CNTLN: variants seen among roughly 807,000 people sequenced by gnomAD.
CNTLN encodes centlein.
In CNTLN, 212 loss-of-function variants were observed where a neutral mutation model predicts 180.0. The observed-to-expected ratio is 1.18, with a 90% CI of 1.05 to 1.32. The LOEUF is 1.32. Among genes scored for constraint, CNTLN ranks in the 40% most tolerant of loss-of-function variants. CNTLN has a pLI of 0.00. For missense variants in CNTLN, 2,095 were observed against 1,610.9 expected (o/e 1.30, Z -5.14); for synonymous variants, 722 against 563.1 (o/e 1.28, Z -3.99).
In CNTLN at chr9:17,273,810, G is replaced by T. The variant is rs756406297; in HGVS notation, c.927G>T (p.Gln309His). Residue 309 changes from glutamine to histidine, a missense_variant, in exon 6 of 26, where the codon CAG (glutamine) becomes CAT (histidine). Gln to His is a conservative substitution (Grantham distance 24). Transcript: ENST00000380647. ...SQSKYNALSL[Q>H]LSNKQTELIQ... ...GTAAATACAATGCTCTATCATTACA[G>T]TTGAGTAATAAACAGACTGAACTTA... 7.0e-6 allele frequency: 11 copies of T among 1,575,380 alleles called. No homozygotes were observed. In the East Asian group the frequency reaches 2.6e-4, roughly 37 times the overall value.
chr9:17,365,254 C>T (rs925022619), intron 12 of CNTLN, among the ~76,000 whole-genome samples: 2 of 152,154 alleles, frequency 1.3e-5, no homozygotes, highest in African/African-American at 4.8e-5. Context: ...TAGCACCTCC[C>T]TCTGTGCTCT....
intron 8 of CNTLN, among the ~76,000 whole-genome samples, chr9:17,315,987 C>T (rs1819517203): frequency 1.3e-5 from 2 of 151,668 alleles, no homozygotes; most frequent in Non-Finnish European, 2.9e-5. Context: ...GTCTGATTGG[C>T]TTGTAATGTT....
At chr9:17,172,857 C>G (rs1007187663) in intron 2 of CNTLN, among the ~76,000 whole-genome samples, 1 of 152,082 alleles carries the variant, frequency 6.6e-6, no homozygotes, top group African/African-American at 2.4e-5. Context: ...ACATCAAGGC[C>G]TCCAACATGA....
chr9:17,342,475 G>A, intron 12 of CNTLN, 31 bp downstream of exon 12: 1 of 1,561,580 alleles, frequency 6.4e-7, no homozygotes, highest in East Asian at 2.3e-5. Flanking sequence ...TATGGACTTA[G>A]ATAAAATACT....
Position 17,299,241 on chromosome 9 carries a change from CAAAAAAAAAAA to C in CNTLN, c.1146+905_1146+915del, listed in dbSNP as rs368954391. 3.5e-3 allele frequency: 317 copies of C among 91,724 alleles called. 3 individuals are homozygous for C. The highest frequency in any genetic ancestry group is 0.015 in the Middle Eastern group (2 of 136). 5.7% of individuals were successfully genotyped at this position (91,724 alleles called of 1,614,324 possible). A position where few individuals can be genotyped will look rare whatever the true frequency, so the allele number is the denominator to read the frequency against. ...CAGGCGACAGGGGGAGACAACGTCT[CAAAAAAAAAAA>C]AAAAAAAAAAAAAAACCTTTACTGA... is the stretch of plus-strand genomic sequence containing the variant. On this transcript the variant is annotated intron_variant, in intron 7 of 25. Transcript: ENST00000380647.
rs575567172 is a variant in CNTLN at position 17,169,888 on chromosome 9, T to C, written c.449+26512T>C. Among the ~76,000 whole-genome samples, 17 of 152,332 alleles carry C rather than the reference T, an allele frequency of 1.1e-4. No homozygotes were observed. In the South Asian group the frequency reaches 2.3e-3, roughly 20 times the overall value. On this transcript the variant is annotated intron_variant, in intron 2 of 25. Coordinates refer to ENST00000380647, the MANE Select transcript of CNTLN (RefSeq NM_017738.4). ...ATTGCTTTAGCTAGTCATGATCTTT[T>C]GCAGTTCCATATGAATTTTATGACT...
the CNTLN span, among the ~76,000 whole-genome samples, chr9:17,509,029 G>A: frequency 3.3e-5 from 5 of 151,302 alleles, no homozygotes; most frequent in African/African-American, 1.2e-4. Context: ...TGATAGGATA[G>A]GATAACCTGC....
intron 23 of CNTLN, among the ~76,000 whole-genome samples, chr9:17,469,220 T>G (rs554566824): frequency 6.6e-6 from 1 of 151,842 alleles, no homozygotes; most frequent in Non-Finnish European, 1.5e-5. Flanking sequence ...TTACATTGTT[T>G]TTAAGAATTG....
At position 17,309,219 on chromosome 9, in the gene CNTLN, A is replaced by C; in HGVS notation, c.1308A>C (p.Leu436Phe). The change falls in exon 8 of 26, where the codon TTA (leucine) becomes TTC (phenylalanine). Residue 436 changes from leucine (L) to phenylalanine (F), a missense_variant. Transcript: ENST00000380647. Reference protein sequence around the residue: ...LQESQGAPLPLPQESDPDYSA... With the variant: ...LQESQGAPLPFPQESDPDYSA... ...AATCACAGGGAGCACCTCTTCCTTTACCTCAAGAAAGTGATCCAGACTACT... is the reference window on the plus strand; with the variant it reads ...AATCACAGGGAGCACCTCTTCCTTTCCCTCAAGAAAGTGATCCAGACTACT... 6.2e-7 allele frequency: 1 copy of C among 1,601,584 alleles called. No individual in the cohort carries two copies. The highest frequency in any genetic ancestry group is 1.1e-5 in the South Asian group (1 of 88,936).
intron 5 of CNTLN, among the ~76,000 whole-genome samples, chr9:17,260,036 C>T (rs373649243): frequency 7.0e-6 from 1 of 143,226 alleles, no homozygotes; most frequent in South Asian, 2.3e-4. Flanking sequence ...TGTGTTTGGT[C>T]TTGCTTTTCT....
At chr9:17,206,537 T>C (rs761830647) in intron 2 of CNTLN, among the ~76,000 whole-genome samples, 38 of 152,222 alleles carry the variant, frequency 2.5e-4, no homozygotes, top group Non-Finnish European at 4.6e-4. Flanking sequence ...GTGGTTTTTA[T>C]TAATTGTGCT....
intron 15 of CNTLN, among the ~76,000 whole-genome samples, chr9:17,406,511 G>T (rs1827403795): frequency 6.6e-6 from 1 of 151,612 alleles, no homozygotes; most frequent in African/African-American, 2.4e-5. Context: ...TCTAAGTTTT[G>T]CTTCAGTATT....
At chr9:17,355,454 T>G (rs963210137) in intron 12 of CNTLN, among the ~76,000 whole-genome samples, 3 of 152,218 alleles carry the variant, frequency 2.0e-5, no homozygotes, top group African/African-American at 7.2e-5. Flanking sequence ...GTACATATTG[T>G]TTATTCTTGT....
chr9:17,212,718 G>A (rs1823419210), intron 2 of CNTLN, among the ~76,000 whole-genome samples: 1 of 152,118 alleles, frequency 6.6e-6, no homozygotes, highest in Non-Finnish European at 1.5e-5. Context: ...ATTAATTATT[G>A]CCTCAATTTC....
In CNTLN at chr9:17,193,340, C is replaced by A. The variant is rs113428229; in HGVS notation, c.450-32863C>A. On this transcript the variant is annotated intron_variant, in intron 2 of 25. Coordinates refer to ENST00000380647, the MANE Select transcript of CNTLN (RefSeq NM_017738.4). ...TCATCTGAGACAAGACAAATCCCTT[C>A]CACCTATGAGCCTGTAAAATCAAAA... is the stretch of plus-strand genomic sequence containing the variant. Among the ~76,000 whole-genome samples, 8 of 152,308 alleles carry A rather than the reference C, an allele frequency of 5.3e-5. 1 individual carries two copies. The highest frequency in any genetic ancestry group is 1.9e-4 in the African/African-American group (8 of 41,564).
At chr9:17,184,548 G>A (rs577556544) in intron 2 of CNTLN, among the ~76,000 whole-genome samples, 38 of 152,160 alleles carry the variant, frequency 2.5e-4, no homozygotes, top group Non-Finnish European at 4.0e-4. Flanking sequence ...GTGGATAGAT[G>A]TGAGGTAGGA....
chr9:17,404,415 G>A (rs1222281537), intron 15 of CNTLN, among the ~76,000 whole-genome samples: 1 of 151,656 alleles, frequency 6.6e-6, no homozygotes, highest in African/African-American at 2.4e-5. Flanking sequence ...TCCTGATGCC[G>A]AAGGTAGGAA....
At chr9:17,276,034 A>G (rs2132536620) in intron 6 of CNTLN, among the ~76,000 whole-genome samples, 1 of 152,246 alleles carries the variant, frequency 6.6e-6, no homozygotes, top group Middle Eastern at 3.4e-3. Context: ...GTTGGATACT[A>G]TATTTACCAC....
intron 8 of CNTLN, among the ~76,000 whole-genome samples, chr9:17,310,073 A>G (rs1163881428): frequency 6.6e-6 from 1 of 152,114 alleles, no homozygotes; most frequent in East Asian, 1.9e-4. Flanking sequence ...GTGTTATGAC[A>G]TACTATTGTA....
Sources: allele counts gnomAD v4.1 joint callset (sites outside exome capture counted in the v4.1 genomes callset), GRCh38; gene constraint gnomAD v4.1.1; transcripts MANE v1.5; gene names NCBI Gene and HGNC (gene_info 2026-07-23, HGNC 2026-07-21).